CACNA1D: variants seen among roughly 807,000 people sequenced by gnomAD.
CACNA1D encodes the protein voltage-dependent L-type calcium channel subunit alpha-1D.
A neutral mutation model predicts 257.1 loss-of-function variants in CACNA1D; 55 were observed. The observed-to-expected ratio is 0.21, with a 90% CI of 0.17 to 0.27. CACNA1D has a LOEUF of 0.27. Among genes scored for constraint, CACNA1D ranks in the 10% least tolerant of loss-of-function variants. The probability of loss-of-function intolerance (pLI) is 1.00; values close to 1 mark genes in which losing one functional copy is unlikely to be tolerated. For synonymous variants in CACNA1D, 980 were observed against 1,014.9 expected (o/e 0.97, Z 0.65); for missense variants, 1,876 against 2,784.0 (o/e 0.67, Z 7.34).
Position 53,776,027 on chromosome 3 carries a change from C to T in CACNA1D, c.4344C>T (p.Tyr1448=), listed in dbSNP as rs1254700753. 2 of 1,613,892 alleles carry T rather than the reference C, an allele frequency of 1.2e-6. No homozygotes were observed. The highest frequency in any genetic ancestry group is 1.7e-6 in the Non-Finnish European group (2 of 1,179,874). ...CCATTGTCTATTTCATCAGTTTTTA[C>T]ATGCTCTGTGCATTTCTGGTAAGTG... ...NFAIVYFISF[Y]MLCAFLIINL... Residue 1448 remains tyrosine, a synonymous_variant, in exon 35 of 48, where the codon TAC becomes TAT. Transcript: ENST00000350061.
intron 3 of CACNA1D, among the ~76,000 whole-genome samples, chr3:53,607,253 C>T (rs1209883352): frequency 6.6e-6 from 1 of 152,112 alleles, no homozygotes; most frequent in Non-Finnish European, 1.5e-5. Flanking sequence ...TTTGATGCTC[C>T]CTGGTGATAC....
chr3:53,580,577 T>G (rs1364748929), intron 3 of CACNA1D, among the ~76,000 whole-genome samples: 2 of 152,302 alleles, frequency 1.3e-5, no homozygotes, highest in East Asian at 3.9e-4. Flanking sequence ...ATCTGTAGAG[T>G]GGGAATTGTG....
chr3:53,538,098 G>A (rs2092167848), intron 3 of CACNA1D, among the ~76,000 whole-genome samples: 1 of 145,076 alleles, frequency 6.9e-6, no homozygotes. Context: ...GACATTTATT[G>A]GCTTAAATGT....
chr3:53,655,277 T>TTAACATGCATGTGTG (rs1371360828), intron 4 of CACNA1D, among the ~76,000 whole-genome samples: 1 of 152,212 alleles, frequency 6.6e-6, no homozygotes, highest in Non-Finnish European at 1.5e-5. Flanking sequence ...ACAGTGAACA[T>TTAACATGCATGTGTG]TAACATGCAT....
chr3:53,670,326 C>A (rs1256040155), intron 7 of CACNA1D, among the ~76,000 whole-genome samples: 1 of 152,174 alleles, frequency 6.6e-6, no homozygotes, highest in Non-Finnish European at 1.5e-5. Flanking sequence ...CATGAATATG[C>A]ATTTCAACCT....
At chr3:53,752,692 C>G (rs62250872) in intron 28 of CACNA1D, among the ~76,000 whole-genome samples, 9,774 of 152,260 alleles carry the variant, frequency 0.064, 357 homozygotes, top group Middle Eastern at 0.11. Context: ...GCCACCGCGC[C>G]CGGCACCTTT....
At position 53,811,356 on chromosome 3, in the gene CACNA1D, A is replaced by G; in HGVS notation, c.6436A>G (p.Arg2146Gly). The G allele has an allele frequency of 6.3e-7, 1 of 1,594,174 alleles. No homozygotes were observed. The highest frequency in any genetic ancestry group is 2.2e-5 in the East Asian group (1 of 44,498). The change falls in exon 48 of 48, where the codon AGG becomes GGG. Residue 2146 changes from arginine (R) to glycine (G), a missense_variant. Physicochemically the swap from Arg to Gly is moderately radical, Grantham distance 125. Transcript: ENST00000350061. The surrounding 1 kb of genome is among the most constrained non-coding windows in gnomAD (Gnocchi z 4.2). ...GYSDEEPDPGRDEEDLADEMI... is the reference protein window; with the variant it reads ...GYSDEEPDPGGDEEDLADEMI... ...CAGCGACGAAGAGCCAGACCCTGGG[A>G]GGGATGAGGAGGACCTGGCGGATGA...
At chr3:53,564,634 T>C (rs1169495234) in intron 3 of CACNA1D, among the ~76,000 whole-genome samples, 1 of 152,226 alleles carries the variant, frequency 6.6e-6, no homozygotes, top group African/African-American at 2.4e-5. Context: ...GGAGTTTTTT[T>C]CTTTAGTTTT....
chr3:53,800,072 G>A lies in CACNA1D; in HGVS notation c.4924-177G>A. On this transcript the variant is annotated intron_variant, in intron 40 of 47. Transcript: ENST00000350061. The surrounding 1 kb of genome is among the most constrained non-coding windows in gnomAD (Gnocchi z 4.3). ...CTAGGACCTTCTTGACCCTCTGGAT[G>A]CCTGACCATACCAACAACCCTTAGA... 2 of 713,624 alleles carry A rather than the reference G, an allele frequency of 2.8e-6. No homozygotes were observed. The highest frequency in any genetic ancestry group is 5.1e-6 in the Non-Finnish European group (2 of 391,382). 44.2% of individuals were successfully genotyped at this position (713,624 alleles called of 1,614,324 possible).
chr3:53,590,877 G>A (rs916259601), intron 3 of CACNA1D, among the ~76,000 whole-genome samples: 3 of 152,220 alleles, frequency 2.0e-5, no homozygotes, highest in Non-Finnish European at 2.9e-5. Context: ...GCTGCTGTTA[G>A]TGTGGGCTGA....
Position 53,723,345 on chromosome 3 carries a change from G to T in CACNA1D, c.1667-89G>T. On this transcript the variant is annotated intron_variant, in intron 12 of 47. Coordinates refer to ENST00000350061, the MANE Select transcript of CACNA1D (RefSeq NM_001128840.3). The surrounding 1 kb of genome is among the most constrained non-coding windows in gnomAD (Gnocchi z 5.6). ...CAAGGTATTGGCGTATTTCCTGTGG[G>T]GCCTGATAGGGAGGGAGGTGTGAGG... The T allele has an allele frequency of 1.1e-6, 1 of 906,572 alleles. No homozygotes were observed. The highest frequency in any genetic ancestry group is 1.3e-5 in the South Asian group (1 of 76,550). 56.2% of individuals were successfully genotyped at this position (906,572 alleles called of 1,614,324 possible).
chr3:53,575,324 T>C (rs2093017788), intron 3 of CACNA1D, among the ~76,000 whole-genome samples: 1 of 151,614 alleles, frequency 6.6e-6, no homozygotes, highest in Admixed American at 6.6e-5. Context: ...CCTGAAGGTG[T>C]GGAGATGCTG....
intron 20 of CACNA1D, among the ~76,000 whole-genome samples, chr3:53,737,898 C>G (rs1287267665): frequency 1.3e-5 from 2 of 152,224 alleles, no homozygotes; most frequent in Non-Finnish European, 2.9e-5. Flanking sequence ...AGAGATGGTG[C>G]CCGCTGACTG....
At position 53,808,640 on chromosome 3, in the gene CACNA1D, C is replaced by G. The variant is rs748073711; in HGVS notation, c.5750-9C>G. ...CTTCACAGCTGTGTGATGCCCTTTG[C>G]TTTCCCAGCCCACCGGAGATCCTCC... is the stretch of plus-strand genomic sequence containing the variant. On this transcript the variant is annotated splice_polypyrimidine_tract_variant and intron_variant, in intron 45 of 47. Transcript: ENST00000350061. 4 of 1,606,600 alleles carry G rather than the reference C, an allele frequency of 2.5e-6. No individual in the cohort carries two copies. Among genetic ancestry groups the G allele is most frequent in the Non-Finnish European group, 3.4e-6 (4 of 1,179,974 alleles).
At position 53,732,883 on chromosome 3, in the gene CACNA1D, A is replaced by C. The variant is rs2108771931; in HGVS notation, c.2542A>C (p.Ile848Leu). The change falls in exon 19 of 48, where the codon ATC (isoleucine) becomes CTC (leucine). Residue 848 changes from isoleucine (I) to leucine (L), a missense_variant. Ile to Leu is a conservative substitution (Grantham distance 5). Transcript: ENST00000350061. Reference sequence around the variant, plus strand: ...TCCTGCCGGACCCCGTCCTCGAAGGATCTCGGAGTTGAACATGAAGGAAAA... The same window carrying C: ...TCCTGCCGGACCCCGTCCTCGAAGGCTCTCGGAGTTGAACATGAAGGAAAA... ...EVPAGPRPRR[I>L]SELNMKEKIA... The C allele has an allele frequency of 1.4e-5, 23 of 1,614,030 alleles. No individual in the cohort carries two copies. Among genetic ancestry groups the C allele is most frequent in the Non-Finnish European group, 1.9e-5 (22 of 1,179,908 alleles).
rs1261725668 is a variant in CACNA1D, at chr3:53,673,774, G to T, written c.1220+648G>T. 6.8e-6 allele frequency: 11 copies of T among 1,614,020 alleles called. No individual in the cohort carries two copies. Among genetic ancestry groups the T allele is most frequent in the Non-Finnish European group, 9.3e-6 (11 of 1,179,928 alleles). On this transcript the variant is annotated intron_variant, in intron 8 of 47. Coordinates refer to ENST00000350061, the MANE Select transcript of CACNA1D (RefSeq NM_001128840.3). The surrounding 1 kb of genome is among the most constrained non-coding windows in gnomAD (Gnocchi z 4.1). ...TATTTTGTTAGTCTGATCATCCTTG[G>T]CTCATTTTTCGTCCTTAACCTGGTT...
chr3:53,662,257 G>A (rs1576272916), intron 5 of CACNA1D, among the ~76,000 whole-genome samples: 1 of 152,128 alleles, frequency 6.6e-6, no homozygotes, highest in African/African-American at 2.4e-5. Context: ...TCACAAGGTG[G>A]TGAATCAGGC....
intron 4 of CACNA1D, 55 bp from the exon 5 acceptor site, chr3:53,660,078 T>A (rs1191674831): frequency 7.9e-6 from 12 of 1,514,546 alleles, no homozygotes; most frequent in Non-Finnish European, 1.1e-5. Context: ...ATCATCCTGT[T>A]TTGCGTCCCT....
chr3:53,719,860 T>G, intron 11 of CACNA1D, 79 bp downstream of exon 11: 3 of 1,272,764 alleles, frequency 2.4e-6, no homozygotes. Context: ...TACGTAGTAT[T>G]GCTCTGGACT....
Sources: gnomAD v4.1 joint callset for allele counts (sites outside exome capture counted in the v4.1 genomes callset) on GRCh38, gnomAD v4.1.1 for gene constraint, Gnocchi (gnomAD v3.1) non-coding constraint, MANE v1.5 for transcripts, NCBI Gene and HGNC (gene_info 2026-07-23, HGNC 2026-07-21) for gene names.